Variants in ERBB4 observed in about 807,000 individuals in gnomAD.
ERBB4 encodes erb-b2 receptor tyrosine kinase 4, also known as receptor tyrosine-protein kinase erbB-4.
A neutral mutation model predicts 158.0 loss-of-function variants in ERBB4; 42 were observed. That is an observed-to-expected ratio of 0.27 (90% CI 0.21 to 0.34). ERBB4 has a LOEUF of 0.34. Ranked by LOEUF, ERBB4 falls within the 10% of genes least tolerant of loss-of-function variation. The pLI is 1.00. For synonymous variants in ERBB4, 583 were observed against 558.7 expected, an observed-to-expected ratio of 1.04 and a Z score of -0.61; for missense variants, 1,333 against 1,624.1, an observed-to-expected ratio of 0.82 and a Z score of 3.08.
intron 20 of ERBB4, among the ~76,000 whole-genome samples, chr2:211,550,167 G>T (rs2067047481): frequency 6.6e-6 from 1 of 152,128 alleles, no homozygotes; most frequent in Admixed American, 6.5e-5. Context: ...TTGTGTATGT[G>T]TATAGTAAGA....
chr2:211,735,335 A>G (rs1009179671), intron 5 of ERBB4, among the ~76,000 whole-genome samples: 1 of 152,220 alleles, frequency 6.6e-6, no homozygotes, highest in Non-Finnish European at 1.5e-5. Context: ...AGGTCAAATC[A>G]TAAGTTATTA....
At chr2:211,688,738 CCACT>C (rs1177508369) in intron 12 of ERBB4, among the ~76,000 whole-genome samples, 4 of 151,990 alleles carry the variant, frequency 2.6e-5, no homozygotes, top group African/African-American at 4.8e-5. Context: ...TGCTAAGCAC[CCACT>C]AAGCTTCATT....
chr2:211,525,328 G>A (rs2066317424), intron 20 of ERBB4, among the ~76,000 whole-genome samples: 1 of 152,140 alleles, frequency 6.6e-6, no homozygotes, highest in African/African-American at 2.4e-5. Flanking sequence ...GAGGATTTCT[G>A]TCTTTCATCT....
intron 19 of ERBB4, among the ~76,000 whole-genome samples, chr2:211,581,870 TGTG>T (rs1313076589): frequency 6.8e-4 from 103 of 151,848 alleles, no homozygotes; most frequent in Non-Finnish European, 4.3e-4. Flanking sequence ...ATTAGCTAGG[TGTG>T]GTGGCTGGCA....
chr2:212,253,479 A>T (rs143936743), intron 1 of ERBB4, among the ~76,000 whole-genome samples: 1 of 152,150 alleles, frequency 6.6e-6, no homozygotes, highest in African/African-American at 2.4e-5. Flanking sequence ...CTTCATCAAA[A>T]CCAGTTCTTC....
chr2:211,989,261 A>G (rs1321416069), intron 2 of ERBB4, among the ~76,000 whole-genome samples: 1 of 151,988 alleles, frequency 6.6e-6, no homozygotes. Context: ...CAGGTCCTCA[A>G]TCTTGCCAAG....
chr2:212,341,082 A>G lies in ERBB4; in HGVS notation c.82+197367T>C, dbSNP rs143312310. 7.8e-3 allele frequency among the ~76,000 whole-genome samples: 1,194 copies of G among 152,178 alleles called. 18 individuals are homozygous for G. The highest frequency in any genetic ancestry group is 0.027 in the African/African-American group (1,106 of 41,540). On this transcript the variant is annotated intron_variant, in intron 1 of 27. Transcript: ENST00000342788. Reference sequence around the variant, plus strand: ...ATTTAATCTTATTGGAAATCCTTTTATATTTTTTTCTCCACAAAGGACAAA... The same window carrying G: ...ATTTAATCTTATTGGAAATCCTTTTGTATTTTTTTCTCCACAAAGGACAAA...
chr2:211,956,362 G>A (rs913527892), intron 2 of ERBB4, among the ~76,000 whole-genome samples: 1 of 152,192 alleles, frequency 6.6e-6, no homozygotes, highest in Non-Finnish European at 1.5e-5. Context: ...TCGTACAACT[G>A]AAGCTATACC....
At chr2:212,092,900 T>G (rs774947553) in intron 2 of ERBB4, among the ~76,000 whole-genome samples, 1 of 152,122 alleles carries the variant, frequency 6.6e-6, no homozygotes, top group African/African-American at 2.4e-5. Flanking sequence ...GTGGCACGTG[T>G]ATACCAATGT....
intron 3 of ERBB4, among the ~76,000 whole-genome samples, chr2:211,808,437 T>C (rs2076669826): frequency 6.6e-6 from 1 of 152,154 alleles, no homozygotes. Flanking sequence ...CATATGGTTG[T>C]AGATGTGTGA....
intron 20 of ERBB4, among the ~76,000 whole-genome samples, chr2:211,460,305 A>G (rs2125500078): frequency 6.6e-6 from 1 of 152,296 alleles, no homozygotes. Context: ...TCACCTTGAA[A>G]GTGCGAACAG....
chr2:211,995,914 C>T (rs1317292882), intron 2 of ERBB4, among the ~76,000 whole-genome samples: 5 of 152,144 alleles, frequency 3.3e-5, no homozygotes, highest in Non-Finnish European at 5.9e-5. Flanking sequence ...AATTAATTAG[C>T]CATTTTGAAG....
intron 1 of ERBB4, among the ~76,000 whole-genome samples, chr2:212,481,857 G>T (rs1689716993): frequency 6.6e-6 from 1 of 152,124 alleles, no homozygotes. Context: ...TATATTTCCA[G>T]ATTGACATAT....
chr2:211,712,832 G>A (rs1365732563), intron 8 of ERBB4, among the ~76,000 whole-genome samples: 1 of 152,052 alleles, frequency 6.6e-6, no homozygotes, highest in Non-Finnish European at 1.5e-5. Context: ...CAGAGAGGGA[G>A]AGAGAGAAAA....
intron 20 of ERBB4, among the ~76,000 whole-genome samples, chr2:211,488,591 A>G (rs1490013564): frequency 5.3e-5 from 8 of 152,104 alleles, no homozygotes; most frequent in African/African-American, 1.9e-4. Context: ...TTATTTTAAA[A>G]TAAGTGTCAG....
intron 3 of ERBB4, among the ~76,000 whole-genome samples, chr2:211,912,076 G>T (rs530597387): frequency 1.4e-4 from 21 of 152,230 alleles, no homozygotes; most frequent in Middle Eastern, 3.4e-3. Context: ...TGGGGAGAAG[G>T]TACGTAGGAA....
chr2:212,293,574 A>C (rs780052705), intron 1 of ERBB4, among the ~76,000 whole-genome samples: 9 of 152,076 alleles, frequency 5.9e-5, no homozygotes, highest in Non-Finnish European at 8.8e-5. Flanking sequence ...TTGGCCGGGC[A>C]TGGTGGCTCA....
intron 20 of ERBB4, among the ~76,000 whole-genome samples, chr2:211,532,134 G>A (rs1229585365): frequency 7.1e-6 from 1 of 140,890 alleles, no homozygotes; most frequent in African/African-American, 2.5e-5. Flanking sequence ...ATTGTCACCA[G>A]AGTCTGGGAA....
chr2:211,626,504 T>G (rs1208984785), intron 17 of ERBB4, among the ~76,000 whole-genome samples: 1 of 152,196 alleles, frequency 6.6e-6, no homozygotes, highest in African/African-American at 2.4e-5. Context: ...TTTATTTAGA[T>G]GGTGGTAGAA....
Sources: allele counts gnomAD v4.1 joint callset (sites outside exome capture counted in the v4.1 genomes callset), GRCh38; gene constraint gnomAD v4.1.1; transcripts MANE v1.5; gene names NCBI Gene and HGNC (gene_info 2026-07-23, HGNC 2026-07-21).